ALOX5: variants seen among roughly 807,000 people sequenced by gnomAD.
ALOX5 encodes arachidonate 5-lipoxygenase, also known as polyunsaturated fatty acid 5-lipoxygenase.
Under a neutral mutation model 87.9 loss-of-function variants are expected in ALOX5, and 64 were observed. The ratio of observed to expected loss-of-function variants is 0.73; its 90% CI spans 0.60 to 0.90. The LOEUF is 0.90. ALOX5 is among the 40% of genes least tolerant of loss of function. ALOX5 has a pLI of 0.00. For synonymous variants in ALOX5, 388 were observed against 355.1 expected (o/e 1.09, Z -1.04); for missense variants, 822 against 907.5 (o/e 0.91, Z 1.21).
chr10:45,441,235 G>A (rs1842224549), intron 8 of ALOX5, 109 bp from the exon 9 acceptor site: 10 of 907,482 alleles, frequency 1.1e-5, no homozygotes, highest in South Asian at 4.4e-5. Flanking sequence ...TCCTCCCTGC[G>A]CCCAGCATCA....
At position 45,443,799 on chromosome 10, in the gene ALOX5, G is replaced by A. The variant is rs753702775; in HGVS notation, c.1645G>A (p.Ala549Thr). ...YLTVVIFTAS[A>T]QHAAVNFGQY... is the part of the protein sequence containing the mutation. The stretch of plus-strand genomic sequence containing the variant: ...GACCGTGGTGATCTTCACCGCCTCC[G>A]CCCAGCACGCCGCGGTCAACTTCGG... The change falls in exon 12 of 14, where the codon GCC becomes ACC. Residue 549 changes from alanine (A) to threonine (T), a missense_variant. Coordinates refer to ENST00000374391, the MANE Select transcript of ALOX5 (RefSeq NM_000698.5). 2 of 1,610,304 alleles carry A rather than the reference G, an allele frequency of 1.2e-6. No individual in the cohort carries two copies. The highest frequency in any genetic ancestry group is 1.7e-5 in the Admixed American group (1 of 59,808).
chr10:45,441,523 C>T, intron 9 of ALOX5, 93 bp downstream of exon 9: 1 of 1,311,322 alleles, frequency 7.6e-7, no homozygotes, highest in East Asian at 2.3e-5. Flanking sequence ...TTCAGGAGGC[C>T]TGGAAGGGTG....
chr10:45,398,372 G>A (rs1348251382), intron 3 of ALOX5, among the ~76,000 whole-genome samples: 2 of 152,178 alleles, frequency 1.3e-5, no homozygotes, highest in Non-Finnish European at 2.9e-5. Context: ...CTACCTAAAT[G>A]TAAGAGCTAA....
intron 9 of ALOX5, among the ~76,000 whole-genome samples, chr10:45,442,141 G>A (rs1310991340): frequency 6.6e-6 from 1 of 152,212 alleles, no homozygotes; most frequent in East Asian, 1.9e-4. Context: ...GGGGGCCTCA[G>A]CCAGAAATGG....
At chr10:45,389,041 C>A (rs569939449) in intron 2 of ALOX5, among the ~76,000 whole-genome samples, 2 of 152,052 alleles carry the variant, frequency 1.3e-5, no homozygotes, top group Non-Finnish European at 2.9e-5. Flanking sequence ...AACTATGTGA[C>A]GAATGCACAA....
intron 5 of ALOX5, 71 bp downstream of exon 5, chr10:45,424,218 G>C: frequency 1.5e-6 from 2 of 1,360,094 alleles, no homozygotes; most frequent in Non-Finnish European, 2.1e-6. Context: ...GATACTTGCC[G>C]GGAAATTGAC....
chr10:45,412,492 C>G (rs149097803), intron 4 of ALOX5, among the ~76,000 whole-genome samples, 179 bp downstream of exon 4: 1 of 152,016 alleles, frequency 6.6e-6, no homozygotes, highest in Non-Finnish European at 1.5e-5. Context: ...GCAGGACAAC[C>G]GGTATCTTAA....
At chr10:45,402,703 A>G (rs1051969979) in intron 3 of ALOX5, among the ~76,000 whole-genome samples, 3 of 152,206 alleles carry the variant, frequency 2.0e-5, no homozygotes, top group Admixed American at 6.5e-5. Context: ...CCCTCAAGAT[A>G]AGGACACTCT....
intron 3 of ALOX5, among the ~76,000 whole-genome samples, chr10:45,410,986 C>G (rs372149659): frequency 1.3e-5 from 2 of 152,184 alleles, no homozygotes; most frequent in African/African-American, 2.4e-5. Context: ...ACAGTCACTT[C>G]GTGATCATGT....
intron 3 of ALOX5, among the ~76,000 whole-genome samples, chr10:45,410,608 A>T (rs1841032580): frequency 6.6e-6 from 1 of 152,234 alleles, no homozygotes; most frequent in African/African-American, 2.4e-5. Context: ...AGATCATATT[A>T]AAATAACTCA....
At chr10:45,442,867 G>A (rs552293399) in intron 9 of ALOX5, 171 bp from the exon 10 acceptor site, 4 of 675,898 alleles carry the variant, frequency 5.9e-6, no homozygotes, top group Middle Eastern at 4.1e-4. Flanking sequence ...CTCTCCACCC[G>A]GCTGCCCTTG....
chr10:45,397,498 G>A (rs1051939848), intron 3 of ALOX5, among the ~76,000 whole-genome samples: 8 of 152,162 alleles, frequency 5.3e-5, no homozygotes, highest in Admixed American at 3.9e-4. Context: ...GTACTGGAGG[G>A]TCTAGCCAGC....
intron 4 of ALOX5, among the ~76,000 whole-genome samples, chr10:45,420,246 C>T (rs1197988732): frequency 1.3e-5 from 2 of 152,126 alleles, no homozygotes; most frequent in Admixed American, 6.5e-5. Flanking sequence ...GGATGTGTCC[C>T]ATTGTAAAAT....
chr10:45,424,926 G>A, intron 5 of ALOX5, 34 bp from the exon 6 acceptor site: 1 of 1,612,276 alleles, frequency 6.2e-7, no homozygotes, highest in Non-Finnish European at 8.5e-7. Context: ...CCTCTACTCA[G>A]AGCTCAGGGT....
At chr10:45,396,537 G>T (rs566527958) in intron 3 of ALOX5, among the ~76,000 whole-genome samples, 4 of 152,272 alleles carry the variant, frequency 2.6e-5, no homozygotes, top group African/African-American at 4.8e-5. Context: ...GACTCATGAA[G>T]AAATAGTTAA....
chr10:45,377,158 T>C (rs545845085), intron 1 of ALOX5, among the ~76,000 whole-genome samples: 43 of 152,346 alleles, frequency 2.8e-4, no homozygotes, highest in African/African-American at 9.9e-4. Flanking sequence ...AAAAGTGTTA[T>C]AATGATTCAT....
rs372166485 is a variant in ALOX5, at chr10:45,382,703, T to A, written c.349+22T>A. On this transcript the variant is annotated intron_variant, in intron 2 of 13. Coordinates refer to ENST00000374391, the MANE Select transcript of ALOX5 (RefSeq NM_000698.5). The stretch of plus-strand genomic sequence containing the variant: ...CGCGGTGAGCAGCTCAGGCCCCTTC[T>A]GCCCCGGGCTTCCCAAGAACCGAAA... 834 of 1,601,172 alleles carry A rather than the reference T, an allele frequency of 5.2e-4. 14 individuals carry two copies. In the South Asian group the frequency reaches 9.0e-3, roughly 17 times the overall value.
intron 9 of ALOX5, 79 bp downstream of exon 9, chr10:45,441,509 C>T (rs1333341021): frequency 3.0e-5 from 42 of 1,423,470 alleles, no homozygotes; most frequent in Non-Finnish European, 4.1e-5. Flanking sequence ...GATCTAGACA[C>T]CCTTTCAGGA....
intron 7 of ALOX5, among the ~76,000 whole-genome samples, chr10:45,434,001 T>C (rs1426064600): frequency 6.6e-6 from 1 of 152,216 alleles, no homozygotes; most frequent in Non-Finnish European, 1.5e-5. Context: ...CTGGCTTCCT[T>C]GGCTGTTGTT....
Sources: allele counts gnomAD v4.1 joint callset (sites outside exome capture counted in the v4.1 genomes callset), GRCh38; gene constraint gnomAD v4.1.1; transcripts MANE v1.5; gene names NCBI Gene and HGNC (gene_info 2026-07-23, HGNC 2026-07-21).